The following KLC2 variants were observed in gnomAD, a reference collection of about 807,000 sequenced individuals.
The protein encoded by KLC2 is KLC 2.
A neutral mutation model predicts 75.1 loss-of-function variants in KLC2; 35 were observed. The observed-to-expected ratio is 0.47, with a 90% CI of 0.36 to 0.62. The LOEUF (loss-of-function observed/expected upper bound fraction) is 0.62, where lower values mean the gene tolerates loss of function less well. Ranked by LOEUF, KLC2 falls within the 20% of genes least tolerant of loss-of-function variation. The pLI, the probability that KLC2 is intolerant of heterozygous loss-of-function variation, is 0.00. For missense variants in KLC2, 611 were observed against 833.2 expected (o/e 0.73, Z 3.28); for synonymous variants, 314 against 336.7 (o/e 0.93, Z 0.74).
chr11:66,264,818 G>T, intron 9 of KLC2: 1 of 597,662 alleles, frequency 1.7e-6, no homozygotes, highest in Admixed American at 3.0e-5. Flanking sequence ...CCTAGCACAT[G>T]TCTTGGGCTG....
Position 66,261,847 on chromosome 11 carries a change from G to C in KLC2, c.334G>C (p.Glu112Gln). 1 of 1,613,926 alleles carries C rather than the reference G, an allele frequency of 6.2e-7. No individual in the cohort carries two copies. Residue 112 changes from glutamate to glutamine, a missense_variant, in exon 3 of 16, where the codon GAG becomes CAG. Physicochemically the swap from Glu to Gln is conservative, Grantham distance 29. Transcript: ENST00000394067. ...GCAGGAGAACCAGTGGCTGCGTGAGGAGCTGGCGGGGACACAGCAGAAGCT... is the reference window on the plus strand; with the variant it reads ...GCAGGAGAACCAGTGGCTGCGTGAGCAGCTGGCGGGGACACAGCAGAAGCT... ...LVQENQWLRE[E>Q]LAGTQQKLQR... is the part of the protein sequence containing the mutation.
At chr11:66,254,910 GCATGA>G (rs1855991607), upstream of KLC2, among the ~76,000 whole-genome samples, 1 of 151,612 alleles carries the variant, frequency 6.6e-6, no homozygotes. Flanking sequence ...GGGCGACAGA[GCATGA>G]CTCCATCTCA....
At chr11:66,247,206 C>A in the KLC2 span, among the ~76,000 whole-genome samples, 1 of 152,182 alleles carries the variant, frequency 6.6e-6, no homozygotes, top group Non-Finnish European at 1.5e-5. Context: ...TCCTCTACTG[C>A]GATTATCTCT....
In KLC2 at chr11:66,264,257, A is replaced by G; in HGVS notation, c.1116+38A>G. 4 of 1,563,638 alleles carry G rather than the reference A, an allele frequency of 2.6e-6. No individual in the cohort carries two copies. In the South Asian group the frequency reaches 3.5e-5, roughly 14 times the overall value. ...TGAGAGGAGCTGGAGGATGGGAAGGAGGGAGGCAGGGATGAGGTTGGGGAA... is the reference window on the plus strand; with the variant it reads ...TGAGAGGAGCTGGAGGATGGGAAGGGGGGAGGCAGGGATGAGGTTGGGGAA... On this transcript the variant is annotated intron_variant, in intron 8 of 15. Coordinates refer to ENST00000394067, the MANE Select transcript of KLC2 (RefSeq NM_001318734.2).
chr11:66,261,511 AGAAG>A (rs150640323), intron 2 of KLC2: 5,323 of 509,654 alleles, frequency 0.01, 47 homozygotes, highest in Non-Finnish European at 0.012. Context: ...TCCTGATCCT[AGAAG>A]GAAGGAACTG....
chr11:66,246,947 G>A, the KLC2 span, among the ~76,000 whole-genome samples: 1 of 151,998 alleles, frequency 6.6e-6, no homozygotes, highest in Non-Finnish European at 1.5e-5. Context: ...CAAAACCCTG[G>A]AGGACTCGGG....
Position 66,267,244 on chromosome 11 carries a change from GCCTCC to G in KLC2, c.*291_*295del. The G allele has an allele frequency of 6.8e-7, 1 of 1,462,128 alleles. No homozygotes were observed. Among genetic ancestry groups the G allele is most frequent in the Non-Finnish European group, 9.4e-7 (1 of 1,066,440 alleles). 90.6% of individuals were successfully genotyped at this position (1,462,128 alleles called of 1,614,324 possible). On this transcript the variant is annotated 3_prime_UTR_variant, in exon 16 of 16. Transcript: ENST00000394067. ...TCTCCACCATAGACTCAGTGGCCTG[GCCTCC>G]CCAGACCCCAGAGCCAAGAACACTA...
chr11:66,251,954 GTGGGAGAGCTGACGC>G, the KLC2 span, among the ~76,000 whole-genome samples: 1 of 152,172 alleles, frequency 6.6e-6, no homozygotes, highest in Non-Finnish European at 1.5e-5. Context: ...TCCCCACCGT[GTGGGAGAGCTGACGC>G]TGGGGAGAGG....
upstream of KLC2, among the ~76,000 whole-genome samples, chr11:66,255,962 C>T (rs1856018398): frequency 6.6e-6 from 1 of 152,012 alleles, no homozygotes; most frequent in Admixed American, 6.6e-5. Flanking sequence ...GACAGGGTTT[C>T]ACTATATTGG....
At chr11:66,261,679 A>T in intron 2 of KLC2, 63 bp from the exon 3 acceptor site, 1 of 1,104,644 alleles carries the variant, frequency 9.1e-7, no homozygotes, top group South Asian at 1.4e-5. Flanking sequence ...AACTAGGCCC[A>T]GGCTACAGTC....
In KLC2 at chr11:66,263,767, G is replaced by C. The variant is rs760874235; in HGVS notation, c.840+20G>C. 3.7e-6 allele frequency: 6 copies of C among 1,609,720 alleles called. No homozygotes were observed. Among genetic ancestry groups the C allele is most frequent in the Non-Finnish European group, 2.6e-6 (3 of 1,175,980 alleles). Reference sequence around the variant, plus strand: ...CCAGCCGTGAGTGAGGGTTGGGTGGGAGGTGGGGGCTGTGCCCCATCCCCT... The same window carrying C: ...CCAGCCGTGAGTGAGGGTTGGGTGGCAGGTGGGGGCTGTGCCCCATCCCCT... On this transcript the variant is annotated intron_variant, in intron 6 of 15. Coordinates refer to ENST00000394067, the MANE Select transcript of KLC2 (RefSeq NM_001318734.2).
In KLC2 at chr11:66,263,837, T is replaced by A. The variant is rs1290215503; in HGVS notation, c.841-14T>A. 9 of 1,612,152 alleles carry A rather than the reference T, an allele frequency of 5.6e-6. No homozygotes were observed. Among genetic ancestry groups the A allele is most frequent in the Non-Finnish European group, 7.6e-6 (9 of 1,178,244 alleles). On this transcript the variant is annotated splice_polypyrimidine_tract_variant and intron_variant, in intron 6 of 15. Transcript: ENST00000394067. ...AGGGCCTGAGTCAAGAAGCTTCCGT[T>A]CTCCCACCTCCAGGTGGCTGCGACA... is the stretch of plus-strand genomic sequence containing the variant.
the KLC2 span, chr11:66,245,240 A>C: frequency 6.6e-6 from 1 of 152,254 alleles, no homozygotes; most frequent in Non-Finnish European, 1.5e-5. Flanking sequence ...CTAGCTTCCA[A>C]GACAGGCCTG....
At chr11:66,258,120 G>T (rs1351622115) in intron 1 of KLC2, 1 of 159,542 alleles carries the variant, frequency 6.3e-6, no homozygotes, top group Non-Finnish European at 1.4e-5. Flanking sequence ...TGGGGGCCGC[G>T]TACTCAGCCC....
At position 66,258,568 on chromosome 11, in the gene KLC2, A is replaced by G; in HGVS notation, c.-11-16A>G. The G allele has an allele frequency of 6.4e-7, 1 of 1,573,580 alleles. No individual in the cohort carries two copies. The highest frequency in any genetic ancestry group is 8.7e-7 in the Non-Finnish European group (1 of 1,146,574). ...CCAGGCCCGGCGCCCGCCTGCCCGC[A>G]CCCTCGTCCTCACAGACGCCACAGC... On this transcript the variant is annotated splice_polypyrimidine_tract_variant and intron_variant, in intron 1 of 15. Coordinates refer to ENST00000394067, the MANE Select transcript of KLC2 (RefSeq NM_001318734.2).
intron 9 of KLC2, 183 bp from the exon 10 acceptor site, chr11:66,264,840 G>A (rs1856702913): frequency 1.3e-5 from 8 of 610,126 alleles, no homozygotes; most frequent in South Asian, 1.2e-4. Context: ...GGCCTGAGGT[G>A]CAAGGGTCTG....
Position 66,263,020 on chromosome 11 carries a change from C to G in KLC2, c.736C>G (p.Leu246Val), listed in dbSNP as rs751921291. ...TGACGTTGCCACCATGCTGAACATC[C>G]TGGCACTGGTCTATCGGTGAGGACT... ...HPDVATMLNI[L>V]ALVYRDQNKY... The change falls in exon 5 of 16, where the codon CTG (leucine) becomes GTG (valine). Residue 246 changes from leucine (L) to valine (V), a missense_variant. Leu to Val is a conservative substitution (Grantham distance 32, BLOSUM62 1). Transcript: ENST00000394067. 1.9e-6 allele frequency: 3 copies of G among 1,613,532 alleles called. No individual in the cohort carries two copies. The highest frequency in any genetic ancestry group is 2.5e-6 in the Non-Finnish European group (3 of 1,179,472).
upstream of KLC2, among the ~76,000 whole-genome samples, chr11:66,253,107 A>G (rs903996467): frequency 6.7e-6 from 1 of 149,682 alleles, no homozygotes; most frequent in Admixed American, 6.8e-5. Flanking sequence ...AGCTGGGACT[A>G]CAGGCAAGAG....
In KLC2 at chr11:66,265,909, G is replaced by GCAGGCGGGGAGC; in HGVS notation, c.1510_1511insCCAGGCGGGGAG (p.Gly503_Asp504insAlaArgArgGly). 6.3e-7 allele frequency: 1 copy of GCAGGCGGGGAGC among 1,580,468 alleles called. No homozygotes were observed. Among genetic ancestry groups the GCAGGCGGGGAGC allele is most frequent in the Non-Finnish European group, 8.6e-7 (1 of 1,160,664 alleles). ...GTAGAACTGCTGAAAGATGGCAGTG[G>GCAGGCGGGGAGC]CAGGCGGGGAGACCGCCGCAGCAGC... On this transcript the variant is annotated inframe_insertion, in exon 13 of 16. Transcript: ENST00000394067.
Sources: allele counts gnomAD v4.1 joint callset (sites outside exome capture counted in the v4.1 genomes callset), GRCh38; gene constraint gnomAD v4.1.1; transcripts MANE v1.5; gene names NCBI Gene and HGNC (gene_info 2026-07-23, HGNC 2026-07-21).